The following ASB10 variants were observed in gnomAD, a reference collection of about 807,000 sequenced individuals.
The protein encoded by ASB10 is ankyrin repeat and SOCS box containing 10, also known as ankyrin repeat and SOCS box protein 10.
Under a neutral mutation model 35.4 loss-of-function variants are expected in ASB10, and 44 were observed. The observed-to-expected ratio is 1.24, with a 90% CI of 0.98 to 1.60. The LOEUF is 1.60. Among genes scored for constraint, ASB10 ranks in the 40% most tolerant of loss-of-function variants. ASB10 has a pLI of 0.00. For missense variants in ASB10, 647 were observed against 634.3 expected (o/e 1.02, Z -0.22); for synonymous variants, 294 against 280.4 (o/e 1.05, Z -0.49).
Position 151,186,595 on chromosome 7 carries a change from G to T in ASB10, c.381C>A (p.Gly127=). 1 of 1,609,558 alleles carries T rather than the reference G, an allele frequency of 6.2e-7. No homozygotes were observed. Among genetic ancestry groups the T allele is most frequent in the Admixed American group, 1.7e-5 (1 of 59,626 alleles). The change falls in exon 2 of 6, where the codon GGC becomes GGA. Residue 127 remains glycine (G), a synonymous_variant. Transcript: ENST00000420175. ...GCAGCAGCCGCAGGACTTCCGTGTG[G>T]CCACGGCTGGCTGCCACATGCAGTG... ...TTPLHVAASR[G]HTEVLRLLLR...
rs553280982 is a variant in ASB10, at chr7:151,186,724, G to A, written c.317-65C>T. The A allele has an allele frequency of 6.5e-5, 100 of 1,545,174 alleles. No individual in the cohort carries two copies. In the African/African-American group the frequency reaches 1.0e-3, roughly 16 times the overall value. On this transcript the variant is annotated intron_variant, in intron 1 of 5. Transcript: ENST00000420175. ...GCAGAGACCTTCCAGCCAATGGGGT[G>A]AGGTGGGCAGAGGCAGGAAGAGGGA...
rs919840565 is a variant in ASB10, at chr7:151,186,774, C to G, written c.316+41G>C. Reference sequence around the variant, plus strand: ...AGCCCAGAGCTCCATCTGCAGCCTCCCCTCTCTCCCACTGAGAGCCCCCAG... The same window carrying G: ...AGCCCAGAGCTCCATCTGCAGCCTCGCCTCTCTCCCACTGAGAGCCCCCAG... On this transcript the variant is annotated intron_variant, in intron 1 of 5. Coordinates refer to ENST00000420175, the MANE Select transcript of ASB10 (RefSeq NM_001142459.2). 9 of 1,539,742 alleles carry G rather than the reference C, an allele frequency of 5.8e-6. No homozygotes were observed. The Admixed American group carries it at 1.7e-4, about 30-fold the overall frequency.
chr7:151,187,084 G>T lies in ASB10; in HGVS notation c.47C>A (p.Pro16His). Residue 16 changes from proline (P) to histidine (H), a missense_variant, in exon 1 of 6, where the codon CCC becomes CAC. By Grantham distance (77) the Pro-to-His change is moderately conservative. Transcript: ENST00000420175. The surrounding 1 kb of genome is among the most constrained non-coding windows in gnomAD (Gnocchi z 5.3). ...SPEECKGQGE[P>H]LDDRHPLCAR... ...ACAGAGGGGGTGTCTGTCATCGAGG[G>T]GCTCTCCCTGCCCCTTGCACTCTTC... is the stretch of plus-strand genomic sequence containing the variant. 6.2e-7 allele frequency: 1 copy of T among 1,604,734 alleles called. No individual in the cohort carries two copies. The highest frequency in any genetic ancestry group is 1.1e-5 in the South Asian group (1 of 89,154).
upstream of ASB10, chr7:151,187,790 T>C (rs1456160785): frequency 7.0e-7 from 1 of 1,433,756 alleles, no homozygotes; most frequent in Non-Finnish European, 9.2e-7. The surrounding 1 kb of genome is among the most constrained non-coding windows in gnomAD (Gnocchi z 5.3). Flanking sequence ...GGCAGGTGGG[T>C]GCTGGGCCCG....
At chr7:151,177,979 G>A (rs534422964) in intron 3 of ASB10, among the ~76,000 whole-genome samples, 4 of 152,312 alleles carry the variant, frequency 2.6e-5, no homozygotes, top group East Asian at 3.9e-4. Context: ...CGGGCGTGGC[G>A]GCTCATGCCT....
At position 151,181,249 on chromosome 7, in the gene ASB10, T is replaced by A; in HGVS notation, c.794A>T (p.Asp265Val). ...GCAGCGGGCGGTGGTGGCCTCGGCA[T>A]CGGTGATGGACTGGCAGCGGACGTC... The part of the protein sequence containing the change: ...ACDVRCQSIT[D>V]AEATTARCLQ... The change falls in exon 3 of 6, where the codon GAT becomes GTT. Residue 265 changes from aspartate to valine, a missense_variant. Transcript: ENST00000420175. 6.2e-7 allele frequency: 1 copy of A among 1,613,098 alleles called. No homozygotes were observed. Among genetic ancestry groups the A allele is most frequent in the Non-Finnish European group, 8.5e-7 (1 of 1,179,964 alleles).
At position 151,186,983 on chromosome 7, in the gene ASB10, T is replaced by G. The variant is rs1336021638; in HGVS notation, c.148A>C (p.Thr50Pro). Reference sequence around the variant, plus strand: ...AAGGCAAGGGCAGGTCCTGAGGCTGTGCGGGTGACGATGGGTCCCGGGCCA... The same window carrying G: ...AAGGCAAGGGCAGGTCCTGAGGCTGGGCGGGTGACGATGGGTCCCGGGCCA... ...KSGPGPIVTR[T>P]ASGPALAFWQ... The change falls in exon 1 of 6, where the codon ACA becomes CCA. Residue 50 changes from threonine to proline, a missense_variant. By Grantham distance (38) the Thr-to-Pro change is conservative (BLOSUM62 -1). Coordinates refer to ENST00000420175, the MANE Select transcript of ASB10 (RefSeq NM_001142459.2). The G allele has an allele frequency of 6.2e-7, 1 of 1,613,030 alleles. No individual in the cohort carries two copies. Among genetic ancestry groups the G allele is most frequent in the Non-Finnish European group, 8.5e-7 (1 of 1,179,374 alleles).
In ASB10 at chr7:151,176,794, C is replaced by T. The variant is rs1801398318; in HGVS notation, c.1105-118G>A. The stretch of plus-strand genomic sequence containing the variant: ...CAAAAGATATATTGAAGACCTATCC[C>T]CCTGTACCTATGAATGGGACCTTAT... On this transcript the variant is annotated intron_variant, in intron 3 of 5. Coordinates refer to ENST00000420175, the MANE Select transcript of ASB10 (RefSeq NM_001142459.2). 6 of 684,210 alleles carry T rather than the reference C, an allele frequency of 8.8e-6. No individual in the cohort carries two copies. In the South Asian group the frequency reaches 9.8e-5, roughly 11 times the overall value. 42.4% of individuals were successfully genotyped at this position (684,210 alleles called of 1,614,324 possible). A position where few individuals can be genotyped will look rare whatever the true frequency, so the allele number is the denominator to read the frequency against.
rs1308665311 is a variant in ASB10, at chr7:151,181,458, C to T, written c.585G>A (p.Glu195=). 6.3e-7 allele frequency: 1 copy of T among 1,580,542 alleles called. No individual in the cohort carries two copies. The highest frequency in any genetic ancestry group is 1.3e-5 in the African/African-American group (1 of 74,368). The change falls in exon 3 of 6, where the codon GAG becomes GAA. Residue 195 remains glutamate (E), a splice_region_variant and synonymous_variant. Coordinates refer to ENST00000420175, the MANE Select transcript of ASB10 (RefSeq NM_001142459.2). The part of the protein sequence containing the change: ...LHLCRGPGTL[E]CAELLLRFGA... ...CAAACCTGAGGAGCAGCTCCGCACA[C>T]CTATTGGGGGGAGACGGTGGTGGGG...
At chr7:151,186,095 G>A in intron 2 of ASB10, among the ~76,000 whole-genome samples, 1 of 152,080 alleles carries the variant, frequency 6.6e-6, no homozygotes, top group East Asian at 1.9e-4. Context: ...AAAATTTTAA[G>A]CAACACCACC....
At chr7:151,179,648 C>T (rs182684264) in intron 3 of ASB10, among the ~76,000 whole-genome samples, 49 of 152,338 alleles carry the variant, frequency 3.2e-4, no homozygotes, top group African/African-American at 1.1e-3. Flanking sequence ...GGACAGAAAC[C>T]CCTCAGCTGG....
At position 151,176,492 on chromosome 7, in the gene ASB10, G is replaced by A. The variant is rs539514085; in HGVS notation, c.1218+71C>T. The A allele has an allele frequency of 2.1e-5, 32 of 1,496,190 alleles. No homozygotes were observed. In the South Asian group the frequency reaches 4.0e-4, roughly 19 times the overall value. 92.7% of individuals were successfully genotyped at this position (1,496,190 alleles called of 1,614,324 possible). ...CATCTTTGGGTACTTTCTATGGGGGGCTGCGGTTTAGCGGGTGGGAGTCTT... is the reference window on the plus strand; with the variant it reads ...CATCTTTGGGTACTTTCTATGGGGGACTGCGGTTTAGCGGGTGGGAGTCTT... On this transcript the variant is annotated intron_variant, in intron 4 of 5. Coordinates refer to ENST00000420175, the MANE Select transcript of ASB10 (RefSeq NM_001142459.2).
chr7:151,176,103 G>A lies in ASB10; in HGVS notation c.*9C>T, dbSNP rs747673118. 6 of 1,609,762 alleles carry A rather than the reference G, an allele frequency of 3.7e-6. No individual in the cohort carries two copies. The highest frequency in any genetic ancestry group is 2.2e-5 in the East Asian group (1 of 44,858). ...GCAGCTGTGACTGCTCACAGATCCC[G>A]GGGCTCACCTAGTAGAGCACGCCCT... On this transcript the variant is annotated intron_variant, in intron 5 of 5. Coordinates refer to ENST00000420175, the MANE Select transcript of ASB10 (RefSeq NM_001142459.2).
rs34383739 is a variant in ASB10 at position 151,187,179 on chromosome 7, CAGAG to C, written c.-53_-50del. 1.5e-4 allele frequency: 226 copies of C among 1,488,790 alleles called. No homozygotes were observed. Among genetic ancestry groups the C allele is most frequent in the South Asian group, 4.9e-4 (40 of 81,114 alleles). The allele number at this position is 1,488,790 out of a possible 1,614,324, so 92.2% of individuals were successfully genotyped here. A position where few individuals can be genotyped will look rare whatever the true frequency, so the allele number is the denominator to read the frequency against. On this transcript the variant is annotated 5_prime_UTR_variant, in exon 1 of 6. Coordinates refer to ENST00000420175, the MANE Select transcript of ASB10 (RefSeq NM_001142459.2). This position sits in a 1 kb window ranked among gnomAD's most constrained non-coding sequence, Gnocchi z 5.3. ...GAGGAGGAGAGGTATATGCCAAAGG[CAGAG>C]AGAGAGAGAGAGAGCAGGAGGGAAA...
chr7:151,179,425 C>T (rs771597543), intron 3 of ASB10, among the ~76,000 whole-genome samples: 2 of 152,204 alleles, frequency 1.3e-5, no homozygotes, highest in East Asian at 1.9e-4. Context: ...GTGCTTGCTC[C>T]GACTGTTCCC....
At chr7:151,178,538 T>C (rs1801431029) in intron 3 of ASB10, among the ~76,000 whole-genome samples, 1 of 152,244 alleles carries the variant, frequency 6.6e-6, no homozygotes, top group Admixed American at 6.5e-5. Flanking sequence ...ACAGAGCCTT[T>C]TGAGATCTGA....
chr7:151,186,438 C>T lies in ASB10; in HGVS notation c.538G>A (p.Asp180Asn). 2 of 1,589,558 alleles carry T rather than the reference C, an allele frequency of 1.3e-6. No homozygotes were observed. The highest frequency in any genetic ancestry group is 1.7e-6 in the Non-Finnish European group (2 of 1,168,286). Reference protein sequence around the residue: ...AGADPNIADQDGKRPLHLCRG... With the variant: ...AGADPNIADQNGKRPLHLCRG... The stretch of plus-strand genomic sequence containing the variant: ...CAGAGATGCAGGGGGCGTTTCCCAT[C>T]CTGGTCAGCGATGTTGGGGTCGGCT... Residue 180 changes from aspartate (D) to asparagine (N), a missense_variant, in exon 2 of 6, where the codon GAT becomes AAT. Transcript: ENST00000420175.
At chr7:151,182,840 G>A (rs190895750) in intron 2 of ASB10, among the ~76,000 whole-genome samples, 24 of 152,166 alleles carry the variant, frequency 1.6e-4, no homozygotes, top group Non-Finnish European at 2.9e-4. Flanking sequence ...CACTTGGCAG[G>A]GGGAGTGGGA....
intron 3 of ASB10, among the ~76,000 whole-genome samples, chr7:151,178,622 C>T (rs910137739): frequency 8.5e-5 from 13 of 152,214 alleles, no homozygotes; most frequent in Admixed American, 1.3e-4. Flanking sequence ...TTGCATCTAG[C>T]GGTGGGGGTT....
Sources: allele counts gnomAD v4.1 joint callset (sites outside exome capture counted in the v4.1 genomes callset), GRCh38; gene constraint gnomAD v4.1.1; non-coding constraint Gnocchi (gnomAD v3.1); transcripts MANE v1.5; gene names NCBI Gene and HGNC (gene_info 2026-07-23, HGNC 2026-07-21).